GPD2: variants seen among roughly 807,000 people sequenced by gnomAD.
The protein encoded by GPD2 is glycerol-3-phosphate dehydrogenase, mitochondrial.
Under a neutral mutation model 82.4 loss-of-function variants are expected in GPD2, and 54 were observed. The ratio of observed to expected loss-of-function variants is 0.66; its 90% CI spans 0.53 to 0.82. The LOEUF (loss-of-function observed/expected upper bound fraction) is 0.82, where lower values mean the gene tolerates loss of function less well. Ranked by LOEUF, GPD2 falls within the 40% of genes least tolerant of loss-of-function variation. GPD2 has a pLI of 0.00. For missense variants in GPD2, 748 were observed against 896.2 expected (o/e 0.83, Z 2.11); for synonymous variants, 288 against 306.1 (o/e 0.94, Z 0.62).
intron 1 of GPD2, among the ~76,000 whole-genome samples, chr2:156,475,398 G>A (rs1174849388): frequency 3.3e-5 from 5 of 151,780 alleles, no homozygotes; most frequent in South Asian, 2.1e-4. Context: ...GCATGATCTC[G>A]GCTCACTGCA....
the GPD2 span, among the ~76,000 whole-genome samples, chr2:156,403,463 A>C: frequency 6.6e-6 from 1 of 152,196 alleles, no homozygotes; most frequent in Non-Finnish European, 1.5e-5. Flanking sequence ...GAAGGAAGAC[A>C]GAGGGTGATC....
intron 6 of GPD2, among the ~76,000 whole-genome samples, chr2:156,544,422 G>T (rs1037502313): frequency 6.6e-6 from 1 of 152,182 alleles, no homozygotes; most frequent in Non-Finnish European, 1.5e-5. Context: ...TTAGAGTGGG[G>T]CACTGTGAGG....
At chr2:156,500,598 A>G (rs1279585722) in intron 3 of GPD2, among the ~76,000 whole-genome samples, 1 of 152,208 alleles carries the variant, frequency 6.6e-6, no homozygotes, top group Non-Finnish European at 1.5e-5. Context: ...GTTACCAGTA[A>G]TAATTAGATT....
At chr2:156,411,996 T>C in the GPD2 span, among the ~76,000 whole-genome samples, 1 of 152,206 alleles carries the variant, frequency 6.6e-6, no homozygotes, top group East Asian at 1.9e-4. Flanking sequence ...GCAAAAGTGC[T>C]TGGCCACCTC....
At chr2:156,536,439 A>C (rs1322195315) in intron 6 of GPD2, among the ~76,000 whole-genome samples, 2 of 152,246 alleles carry the variant, frequency 1.3e-5, no homozygotes, top group Admixed American at 6.5e-5. Flanking sequence ...TCAAAACTCA[A>C]AAAGTAAAAT....
At position 156,451,926 on chromosome 2, in the gene GPD2, C is replaced by A. The variant is rs1315686418; in HGVS notation, c.-9+15413C>A. Among the ~76,000 whole-genome samples the A allele has an allele frequency of 4.8e-4, 72 of 149,598 alleles. 1 individual carries two copies. Among genetic ancestry groups the A allele is most frequent in the Admixed American group, 4.2e-3 (64 of 15,118 alleles). On this transcript the variant is annotated intron_variant, in intron 1 of 16. Transcript: ENST00000438166. ...CTCACCTCCCAGACGGGGTCGCGGC[C>A]GGGCAGAGGCGCTCCTCACATCCCA... is the stretch of plus-strand genomic sequence containing the variant.
At chr2:156,582,671 G>A (rs1574026705) in intron 16 of GPD2, 122 bp from the exon 17 acceptor site, 3 of 1,037,650 alleles carry the variant, frequency 2.9e-6, no homozygotes, top group Middle Eastern at 5.9e-4. Flanking sequence ...TGTAGTACTT[G>A]TTAAGGTTTT....
intron 5 of GPD2, among the ~76,000 whole-genome samples, chr2:156,512,660 A>G (rs1343557352): frequency 6.6e-6 from 1 of 152,220 alleles, no homozygotes; most frequent in Non-Finnish European, 1.5e-5. Context: ...GTTGAGCTAA[A>G]GTATCCTGTT....
chr2:156,416,163 G>T, the GPD2 span, among the ~76,000 whole-genome samples: 2 of 150,544 alleles, frequency 1.3e-5, no homozygotes, highest in South Asian at 4.2e-4. Flanking sequence ...CAGTTCTTTG[G>T]TTGTATATAC....
chr2:156,571,132 A>C lies in GPD2; in HGVS notation c.1609-2A>C. On this transcript the variant is annotated splice_acceptor_variant, in intron 12 of 16. Coordinates refer to ENST00000438166, the MANE Select transcript of GPD2 (RefSeq NM_000408.5). LOFTEE classifies it high-confidence loss of function. ...AATAATTTTTCTTTAATTCAAACTC[A>C]GGTGAAATATGGGATTAAGGAGTAT... 1 of 1,588,242 alleles carries C rather than the reference A, an allele frequency of 6.3e-7. No homozygotes were observed. The highest frequency in any genetic ancestry group is 8.6e-7 in the Non-Finnish European group (1 of 1,156,374).
At chr2:156,476,289 G>A (rs1237872560) in intron 2 of GPD2, 82 bp downstream of exon 2, 8 of 808,040 alleles carry the variant, frequency 9.9e-6, no homozygotes, top group Admixed American at 5.3e-5. Flanking sequence ...GTGCACTAAC[G>A]GTTTTGTTTA....
At chr2:156,460,315 A>C (rs956090270) in intron 1 of GPD2, among the ~76,000 whole-genome samples, 4 of 152,294 alleles carry the variant, frequency 2.6e-5, no homozygotes, top group African/African-American at 9.6e-5. Flanking sequence ...ATTGAAATGC[A>C]TGGCCCTTTA....
chr2:156,527,991 ATAG>A (rs1685677214), intron 6 of GPD2, among the ~76,000 whole-genome samples: 1 of 152,200 alleles, frequency 6.6e-6, no homozygotes, highest in East Asian at 1.9e-4. Context: ...TTGTACTTCA[ATAG>A]TTACCTCAGA....
chr2:156,441,534 G>A (rs1682176849), intron 1 of GPD2, among the ~76,000 whole-genome samples: 1 of 152,170 alleles, frequency 6.6e-6, no homozygotes, highest in Non-Finnish European at 1.5e-5. Flanking sequence ...GCTCCAGCCT[G>A]AGTGACAGAG....
At chr2:156,542,968 G>A (rs545954975) in intron 6 of GPD2, among the ~76,000 whole-genome samples, 1 of 152,274 alleles carries the variant, frequency 6.6e-6, no homozygotes, top group African/African-American at 2.4e-5. Context: ...CCCTAAATCA[G>A]TGGTTGCCTA....
intron 15 of GPD2, 140 bp from the exon 16 acceptor site, chr2:156,579,550 T>C: frequency 6.4e-6 from 4 of 624,694 alleles, no homozygotes; most frequent in Non-Finnish European, 1.2e-5. Context: ...CAGGCTGGTC[T>C]CGAACTCCTG....
chr2:156,537,338 A>C (rs1686121085), intron 6 of GPD2, among the ~76,000 whole-genome samples: 2 of 152,150 alleles, frequency 1.3e-5, no homozygotes, highest in African/African-American at 4.8e-5. Context: ...AAACTAATAG[A>C]ATCTTTCTTT....
chr2:156,488,369 C>G (rs1448016408), intron 2 of GPD2, among the ~76,000 whole-genome samples: 1 of 152,100 alleles, frequency 6.6e-6, no homozygotes, highest in Non-Finnish European at 1.5e-5. Context: ...TGACAAAAAG[C>G]AGGAAGCAGT....
intron 8 of GPD2, among the ~76,000 whole-genome samples, chr2:156,552,894 C>CTTTTTTTT (rs771404828): frequency 8.1e-4 from 87 of 107,276 alleles, no homozygotes; most frequent in Non-Finnish European, 9.2e-4. Context: ...TTCCTTATAT[C>CTTTTTTTT]TTTTTTTTTT....
Sources: gnomAD v4.1 joint callset for allele counts (sites outside exome capture counted in the v4.1 genomes callset) on GRCh38, gnomAD v4.1.1 for gene constraint, MANE v1.5 for transcripts, NCBI Gene and HGNC (gene_info 2026-07-23, HGNC 2026-07-21) for gene names.